The following NES variants were observed in gnomAD, a reference collection of about 807,000 sequenced individuals.
NES encodes the protein nestin.
A neutral mutation model predicts 35.6 loss-of-function variants in NES; 27 were observed. The ratio of observed to expected loss-of-function variants is 0.76; its 90% confidence interval spans 0.56 to 1.04. The LOEUF (loss-of-function observed/expected upper bound fraction) is 1.04, where lower values mean the gene tolerates loss of function less well. Among genes scored for constraint, NES ranks in the 50% least tolerant of loss-of-function variants. The probability of loss-of-function intolerance (pLI) is 0.00; values close to 1 mark genes in which losing one functional copy is unlikely to be tolerated. For synonymous variants in NES, 822 were observed against 824.2 expected (o/e 1.00, Z 0.04); for missense variants, 1,867 against 1,983.6 (o/e 0.94, Z 1.12).
At position 156,675,327 on chromosome 1, in the gene NES, G is replaced by C. The variant is rs768068803; in HGVS notation, c.797C>G (p.Ala266Gly). 1 of 1,608,084 alleles carries C rather than the reference G, an allele frequency of 6.2e-7. No individual in the cohort carries two copies. Among genetic ancestry groups the C allele is most frequent in the East Asian group, 2.2e-5 (1 of 44,660 alleles). Residue 266 changes from alanine (A) to glycine (G), a missense_variant, in exon 2 of 4, where the codon GCC becomes GGC. Transcript: ENST00000368223. Reference sequence around the variant, plus strand: ...TAGGCCCTGTTTCTCCTGCTCCAGGGCCTCCACAGCCAGCTGCAGGGCAGG... The same window carrying C: ...TAGGCCCTGTTTCTCCTGCTCCAGGCCCTCCACAGCCAGCTGCAGGGCAGG... Reference protein sequence around the residue: ...ATEKFQLAVEALEQEKQGLQS... With the variant: ...ATEKFQLAVEGLEQEKQGLQS...
At position 156,669,477 on chromosome 1, in the gene NES, A is replaced by G; in HGVS notation, c.4711T>C (p.Ser1571Pro). Residue 1571 changes from serine to proline, a missense_variant, in exon 4 of 4, where the codon TCT becomes CCT. Transcript: ENST00000368223. The stretch of plus-strand genomic sequence containing the variant: ...AAGGGGCTCCCTCGGTCTCCCTCAG[A>G]GACTAGCGGCATTCCTTGCCCCACT... The part of the protein sequence containing the change: ...EEVGQGMPLV[S>P]EGDRGSPFQE... 1 of 1,613,164 alleles carries G rather than the reference A, an allele frequency of 6.2e-7. No homozygotes were observed. The highest frequency in any genetic ancestry group is 8.5e-7 in the Non-Finnish European group (1 of 1,179,530).
chr1:156,674,031 C>A (rs1679790898), intron 2 of NES, among the ~76,000 whole-genome samples: 1 of 152,196 alleles, frequency 6.6e-6, no homozygotes, highest in Admixed American at 6.5e-5. Context: ...TAGCGACAGA[C>A]AAAAGCAAAT....
At chr1:156,675,482 T>C in intron 1 of NES, 142 bp from the exon 2 acceptor site, 1 of 949,704 alleles carries the variant, frequency 1.1e-6, no homozygotes, top group African/African-American at 1.7e-5. Flanking sequence ...CCGCCTCCCC[T>C]ACCCTATTCC....
At position 156,676,936 on chromosome 1, in the gene NES, G is replaced by C. The variant is rs753381641; in HGVS notation, c.329C>G (p.Ala110Gly). ...LARERTTEEV[A>G]RNRRAVEAEK... is the part of the protein sequence containing the mutation. Reference sequence around the variant, plus strand: ...TGCCTCGACGGCGCGCCGGTTGCGGGCTACCTCCTCCGTCGTCCGCTCCCG... The same window carrying C: ...TGCCTCGACGGCGCGCCGGTTGCGGCCTACCTCCTCCGTCGTCCGCTCCCG... Residue 110 changes from alanine (A) to glycine (G), a missense_variant, in exon 1 of 4, where the codon GCC (alanine) becomes GGC (glycine). Ala to Gly is a moderately conservative substitution (Grantham distance 60). Coordinates refer to ENST00000368223, the MANE Select transcript of NES (RefSeq NM_006617.2). This position sits in a 1 kb window ranked among gnomAD's most constrained non-coding sequence, Gnocchi z 5.3. The C allele has an allele frequency of 6.4e-7, 1 of 1,553,402 alleles. No homozygotes were observed. The highest frequency in any genetic ancestry group is 8.6e-7 in the Non-Finnish European group (1 of 1,158,204).
Position 156,676,780 on chromosome 1 carries a change from G to C in NES, c.485C>G (p.Pro162Arg), listed in dbSNP as rs1018787926. The change falls in exon 1 of 4, where the codon CCC (proline) becomes CGC (arginine). Residue 162 changes from proline (P) to arginine (R), a missense_variant. Pro to Arg is a moderately radical substitution (Grantham distance 103). Coordinates refer to ENST00000368223, the MANE Select transcript of NES (RefSeq NM_006617.2). The surrounding 1 kb of genome is among the most constrained non-coding windows in gnomAD (Gnocchi z 5.3). ...NAQAACAPRC[P>R]APPRGPPAPA... ...CGCGGGAGGCCCGCGGGGCGGCGCGGGGCAGCGGGGGGCACAGGCAGCCTG... is the reference window on the plus strand; with the variant it reads ...CGCGGGAGGCCCGCGGGGCGGCGCGCGGCAGCGGGGGGCACAGGCAGCCTG... 2 of 1,380,328 alleles carry C rather than the reference G, an allele frequency of 1.4e-6. No individual in the cohort carries two copies. The highest frequency in any genetic ancestry group is 3.0e-5 in the African/African-American group (2 of 65,784). 85.5% of individuals were successfully genotyped at this position (1,380,328 alleles called of 1,614,324 possible). A position where few individuals can be genotyped will look rare whatever the true frequency, so the allele number is the denominator to read the frequency against.
intron 3 of NES, 92 bp from the exon 4 acceptor site, chr1:156,673,297 C>A (rs750356478): frequency 3.1e-6 from 4 of 1,304,038 alleles, no homozygotes; most frequent in Non-Finnish European, 4.2e-6. Flanking sequence ...AGTATCCATG[C>A]GCCTGCCCCT....
chr1:156,671,448 G>C lies in NES; in HGVS notation c.2740C>G (p.Gln914Glu), dbSNP rs753448102. ...TTCTCTTCCTCTTCCAGATTCCTTT[G>C]ACTTTCCTTGTCTACCTCCTCTGGA... ...RSPEEVDKES[Q>E]RNLEEEENLG... The change falls in exon 4 of 4, where the codon CAA (glutamine) becomes GAA (glutamate). Residue 914 changes from glutamine (Q) to glutamate (E), a missense_variant. By Grantham distance (29) the Gln-to-Glu change is conservative. Transcript: ENST00000368223. 12 of 1,613,758 alleles carry C rather than the reference G, an allele frequency of 7.4e-6. No homozygotes were observed. In the African/African-American group the frequency reaches 1.3e-4, roughly 18 times the overall value.
chr1:156,673,633 C>T (rs967775078), intron 2 of NES, 106 bp from the exon 3 acceptor site: 14 of 694,370 alleles, frequency 2.0e-5, no homozygotes, highest in African/African-American at 1.6e-4. Flanking sequence ...CCAGGCCCTG[C>T]AGGCTTCCTC....
rs1419708406 is a variant in NES at position 156,673,120 on chromosome 1, G to C, written c.1068C>G (p.Leu356=). The change falls in exon 4 of 4, where the codon CTC becomes CTG. Residue 356 remains leucine (L), a synonymous_variant. Coordinates refer to ENST00000368223, the MANE Select transcript of NES (RefSeq NM_006617.2). ...CAAGGGTAGCAGGCAAGGGTGAGGG[G>C]AGGGAAGTTGGGCTCAGGACTGGGA... ...SLLPVLSPTS[L]PSPLPATLET... is the part of the protein sequence containing the mutation. 1 of 1,583,174 alleles carries C rather than the reference G, an allele frequency of 6.3e-7. No individual in the cohort carries two copies. The highest frequency in any genetic ancestry group is 8.6e-7 in the Non-Finnish European group (1 of 1,162,380).
rs780769685 is a variant in NES, at chr1:156,677,088, C to T, written c.177G>A (p.Glu59=). The change falls in exon 1 of 4, where the codon GAG becomes GAA. Residue 59 remains glutamate (E), a synonymous_variant. Coordinates refer to ENST00000368223, the MANE Select transcript of NES (RefSeq NM_006617.2). The surrounding 1 kb of genome is among the most constrained non-coding windows in gnomAD (Gnocchi z 4.5). ...DTSWRAHADD[E]LAALRALVDQ... Reference sequence around the variant, plus strand: ...CAACGAGGGCCCGCAGGGCCGCCAGCTCGTCGTCGGCATGCGCCCGCCAGG... The same window carrying T: ...CAACGAGGGCCCGCAGGGCCGCCAGTTCGTCGTCGGCATGCGCCCGCCAGG... The T allele has an allele frequency of 6.2e-7, 1 of 1,602,790 alleles. No individual in the cohort carries two copies. The highest frequency in any genetic ancestry group is 1.7e-5 in the Admixed American group (1 of 59,104).
At position 156,669,236 on chromosome 1, in the gene NES, G is replaced by C; in HGVS notation, c.*86C>G. ...TGTCAAGAGATCGTAAGTTAAGAGT[G>C]CTGCTCCTGAGCAGGGAGCGGGCTT... On this transcript the variant is annotated 3_prime_UTR_variant, in exon 4 of 4. Coordinates refer to ENST00000368223, the MANE Select transcript of NES (RefSeq NM_006617.2). The C allele has an allele frequency of 1.1e-6, 1 of 879,166 alleles. No homozygotes were observed. The highest frequency in any genetic ancestry group is 1.7e-6 in the Non-Finnish European group (1 of 580,468). 54.5% of individuals were successfully genotyped at this position (879,166 alleles called of 1,614,324 possible). A position where few individuals can be genotyped will look rare whatever the true frequency, so the allele number is the denominator to read the frequency against.
intron 1 of NES, 124 bp from the exon 2 acceptor site, chr1:156,675,464 G>GGAAT: frequency 2.6e-6 from 3 of 1,141,270 alleles, no homozygotes; most frequent in Non-Finnish European, 3.6e-6. Context: ...TATCTGTGTA[G>GGAAT]CAGACCCCCG....
chr1:156,671,938 C>G lies in NES; in HGVS notation c.2250G>C (p.Gln750His). The G allele has an allele frequency of 6.2e-7, 1 of 1,614,168 alleles. No individual in the cohort carries two copies. Among genetic ancestry groups the G allele is most frequent in the East Asian group, 2.2e-5 (1 of 44,886 alleles). ...CAAGAGTTCTCAATGTCTCTTGGTC[C>G]TGTTCTTCTAAAGACCTCAGTGATT... The part of the protein sequence containing the change: ...NHKSLRSLEE[Q>H]DQETLRTLEK... Residue 750 changes from glutamine (Q) to histidine (H), a missense_variant, in exon 4 of 4, where the codon CAG becomes CAC. Coordinates refer to ENST00000368223, the MANE Select transcript of NES (RefSeq NM_006617.2).
Position 156,672,879 on chromosome 1 carries a change from G to A in NES, c.1309C>T (p.Pro437Ser), listed in dbSNP as rs527352674. 3.1e-6 allele frequency: 5 copies of A among 1,613,802 alleles called. No homozygotes were observed. The highest frequency in any genetic ancestry group is 4.2e-6 in the Non-Finnish European group (5 of 1,180,044). The change falls in exon 4 of 4, where the codon CCT (proline) becomes TCT (serine). Residue 437 changes from proline (P) to serine (S), a missense_variant. Pro to Ser is a moderately conservative substitution (Grantham distance 74). Coordinates refer to ENST00000368223, the MANE Select transcript of NES (RefSeq NM_006617.2). ...TCTGGTCCAGGCAGGACGCTGGCAG[G>A]AATGGCCACCCTGGCTTCAGCCCGC... ...PLRAEARVAI[P>S]ASVLPGPEEP...
chr1:156,672,508 CAG>C lies in NES; in HGVS notation c.1678_1679del (p.Leu560GlyfsTer6), dbSNP rs1332154488. 2 of 1,613,306 alleles carry C rather than the reference CAG, an allele frequency of 1.2e-6. No individual in the cohort carries two copies. The highest frequency in any genetic ancestry group is 8.5e-7 in the Non-Finnish European group (1 of 1,179,656). On this transcript the variant is annotated frameshift_variant, in exon 4 of 4. Coordinates refer to ENST00000368223, the MANE Select transcript of NES (RefSeq NM_006617.2). LOFTEE classifies it low-confidence loss of function (END_TRUNC). Reference sequence around the variant, plus strand: ...CTAGTGTCTCATGGCTCTGGTTTTCCAGAGTCTTCAGTGACTCTTGAATCTCC... The same window carrying C: ...CTAGTGTCTCATGGCTCTGGTTTTCCAGTCTTCAGTGACTCTTGAATCTCC... ...GEEIQESLKTLENQSHETLER... is the reference protein window; with the variant it reads ...GEEIQESLKTXENQSHETLER...
intron 3 of NES, 48 bp from the exon 4 acceptor site, chr1:156,673,253 TGAG>T (rs775241235): frequency 7.1e-7 from 1 of 1,417,640 alleles, no homozygotes; most frequent in Non-Finnish European, 9.4e-7. Flanking sequence ...TCACTGGCAA[TGAG>T]GGGAGCCACA....
Position 156,669,513 on chromosome 1 carries a change from G to A in NES, c.4675C>T (p.Gln1559Ter). ...VNGGVMNGLE[Q>*]SEEVGQGMPL... The stretch of plus-strand genomic sequence containing the variant: ...ATTCCTTGCCCCACTTCCTCAGACT[G>A]CTCCAGCCCGTTCATCACTCCCCCA... The change falls in exon 4 of 4, where the codon CAG (glutamine) becomes TAG (stop). Residue 1559 changes from glutamine to a stop codon, truncating the protein, a stop_gained. Coordinates refer to ENST00000368223, the MANE Select transcript of NES (RefSeq NM_006617.2). LOFTEE classifies it low-confidence loss of function (END_TRUNC). 6.2e-7 allele frequency: 1 copy of A among 1,612,306 alleles called. No homozygotes were observed. Among genetic ancestry groups the A allele is most frequent in the Non-Finnish European group, 8.5e-7 (1 of 1,178,792 alleles).
intron 3 of NES, 28 bp downstream of exon 3, chr1:156,673,426 T>C (rs1211158895): frequency 6.3e-7 from 1 of 1,598,518 alleles, no homozygotes; most frequent in Non-Finnish European, 8.6e-7. Flanking sequence ...CAGGGTAGTT[T>C]CTGGGGGAAC....
intron 2 of NES, 105 bp from the exon 3 acceptor site, chr1:156,673,632 G>A (rs1679782851): frequency 1.4e-6 from 1 of 709,440 alleles, no homozygotes; most frequent in Middle Eastern, 3.7e-4. Context: ...TCCAGGCCCT[G>A]CAGGCTTCCT....
Sources: gnomAD v4.1 joint callset for allele counts (sites outside exome capture counted in the v4.1 genomes callset) on GRCh38, gnomAD v4.1.1 for gene constraint, Gnocchi (gnomAD v3.1) non-coding constraint, MANE v1.5 for transcripts, NCBI Gene and HGNC (gene_info 2026-07-23, HGNC 2026-07-21) for gene names.